Variants in FERRY3 observed in about 807,000 individuals in gnomAD.
The protein encoded by FERRY3 is protein C12orf4.
the FERRY3 span, chr12:4,524,845 A>G: frequency 1.1e-4 from 17 of 157,594 alleles, 1 homozygote; most frequent in East Asian, 3.2e-3. Flanking sequence ...ATACCACTCT[A>G]TGCAGTATTA....
chr12:4,505,059 C>T, the FERRY3 span, among the ~76,000 whole-genome samples: 4 of 152,148 alleles, frequency 2.6e-5, no homozygotes, highest in African/African-American at 4.8e-5. Flanking sequence ...GAACTGAGAT[C>T]GCACCACTGT....
chr12:4,492,355 G>A, the FERRY3 span, among the ~76,000 whole-genome samples: 7 of 152,088 alleles, frequency 4.6e-5, no homozygotes, highest in Admixed American at 1.3e-4. Flanking sequence ...CACACAGCAC[G>A]TAGCTTCTGA....
the FERRY3 span, chr12:4,536,317 GT>G: frequency 1.8e-5 from 11 of 602,832 alleles, no homozygotes; most frequent in Non-Finnish European, 2.8e-5. Context: ...AAGAGATTTT[GT>G]CTATGAGCCA....
chr12:4,512,606 A>C, the FERRY3 span, among the ~76,000 whole-genome samples: 4 of 151,640 alleles, frequency 2.6e-5, no homozygotes, highest in Non-Finnish European at 5.9e-5. Flanking sequence ...CAATAAATGT[A>C]ATCCAGCATA....
At chr12:4,530,192 G>T in the FERRY3 span, 1 of 697,508 alleles carries the variant, frequency 1.4e-6, no homozygotes, top group Non-Finnish European at 2.3e-6. Flanking sequence ...GTAAATATAT[G>T]TGTGTGTATT....
chr12:4,495,244 G>A, the FERRY3 span, among the ~76,000 whole-genome samples: 1 of 152,122 alleles, frequency 6.6e-6, no homozygotes, highest in South Asian at 2.1e-4. Context: ...GAACCCACAT[G>A]TAGGAATAAA....
the FERRY3 span, among the ~76,000 whole-genome samples, chr12:4,523,973 AAAAAG>A: frequency 6.6e-6 from 1 of 152,198 alleles, no homozygotes; most frequent in Non-Finnish European, 1.5e-5. Flanking sequence ...AAATTTAAAA[AAAAAG>A]AAATTGATTC....
At chr12:4,530,898 A>T in the FERRY3 span, among the ~76,000 whole-genome samples, 1 of 152,194 alleles carries the variant, frequency 6.6e-6, no homozygotes, top group South Asian at 2.1e-4. Context: ...CATATGACTT[A>T]ATGGCATTAA....
the FERRY3 span, chr12:4,525,253 C>A: frequency 6.2e-7 from 1 of 1,612,682 alleles, no homozygotes; most frequent in African/African-American, 1.3e-5. Context: ...ATAGTTAATA[C>A]CTAAGGGAGC....
chr12:4,505,740 A>G, the FERRY3 span, among the ~76,000 whole-genome samples: 1 of 152,166 alleles, frequency 6.6e-6, no homozygotes, highest in Non-Finnish European at 1.5e-5. Context: ...CCAGTATCCT[A>G]TTTTTCATCT....
chr12:4,505,377 G>A, the FERRY3 span: 1 of 1,594,260 alleles, frequency 6.3e-7, no homozygotes. Flanking sequence ...TTGGTTTCCA[G>A]AATCTATTCA....
the FERRY3 span, among the ~76,000 whole-genome samples, chr12:4,503,025 A>G: frequency 3.9e-5 from 6 of 152,306 alleles, no homozygotes; most frequent in African/African-American, 1.4e-4. Flanking sequence ...GGCCCAGTGA[A>G]GTGTATTACC....
the FERRY3 span, chr12:4,488,102 T>A: frequency 6.6e-6 from 1 of 152,208 alleles, no homozygotes; most frequent in Non-Finnish European, 1.5e-5. This position sits in a 1 kb window ranked among gnomAD's most constrained non-coding sequence, Gnocchi z 4.9. Flanking sequence ...TTACTACTTC[T>A]GTAACACAGT....
the FERRY3 span, among the ~76,000 whole-genome samples, chr12:4,515,841 TAATA>T: frequency 6.6e-6 from 1 of 152,204 alleles, no homozygotes; most frequent in South Asian, 2.1e-4. Context: ...CTATCTGAGG[TAATA>T]AATATGCTAA....
the FERRY3 span, among the ~76,000 whole-genome samples, chr12:4,528,893 A>T: frequency 3.3e-5 from 4 of 122,534 alleles, no homozygotes; most frequent in South Asian, 1.1e-3. Flanking sequence ...CTATTAAATC[A>T]GTTACACACA....
the FERRY3 span, chr12:4,534,341 C>T: frequency 6.4e-7 from 1 of 1,558,556 alleles, no homozygotes; most frequent in South Asian, 1.2e-5. Context: ...CAGCAAAATC[C>T]AGGTATAAAT....
At chr12:4,501,579 T>C in the FERRY3 span, among the ~76,000 whole-genome samples, 2 of 152,176 alleles carry the variant, frequency 1.3e-5, no homozygotes, top group Non-Finnish European at 2.9e-5. Context: ...TATTGTGAAC[T>C]GTGCATGCGA....
the FERRY3 span, among the ~76,000 whole-genome samples, chr12:4,493,700 T>C: frequency 1.3e-5 from 2 of 152,202 alleles, no homozygotes; most frequent in African/African-American, 2.4e-5. Flanking sequence ...AGTGGTCTTA[T>C]GGAGTACACA....
the FERRY3 span, among the ~76,000 whole-genome samples, chr12:4,531,149 A>G: frequency 2.1e-3 from 322 of 152,342 alleles, 2 homozygotes; most frequent in African/African-American, 7.4e-3. Flanking sequence ...TTTCACTTCA[A>G]TCAGTTGCCA....
Sources: allele counts gnomAD v4.1 joint callset (sites outside exome capture counted in the v4.1 genomes callset), GRCh38; gene constraint gnomAD v4.1.1; non-coding constraint Gnocchi (gnomAD v3.1); transcripts MANE v1.5; gene names NCBI Gene and HGNC (gene_info 2026-07-23, HGNC 2026-07-21).